Variants in TENT2 observed in about 807,000 individuals in gnomAD.
TENT2 encodes the protein terminal nucleotidyltransferase 2.
A neutral mutation model predicts 72.2 loss-of-function variants in TENT2; 44 were observed. The observed-to-expected ratio is 0.61, with a 90% CI of 0.48 to 0.78. The LOEUF (loss-of-function observed/expected upper bound fraction) is 0.78, where lower values mean the gene tolerates loss of function less well. Ranked by LOEUF, TENT2 falls within the 30% of genes least tolerant of loss-of-function variation. The pLI, the probability that TENT2 is intolerant of heterozygous loss-of-function variation, is 0.00. For synonymous variants in TENT2, 212 were observed against 192.5 expected, an observed-to-expected ratio of 1.10 and a Z score of -0.84; for missense variants, 541 against 569.6, an observed-to-expected ratio of 0.95 and a Z score of 0.51.
In TENT2 at chr5:79,687,550, T is replaced by C. The variant is rs1286885697; in HGVS notation, c.*2277T>C. 6.6e-6 allele frequency among the ~76,000 whole-genome samples: 1 copy of C among 152,220 alleles called. No homozygotes were observed. The highest frequency in any genetic ancestry group is 1.5e-5 in the Non-Finnish European group (1 of 68,026). On this transcript the variant is annotated 3_prime_UTR_variant, in exon 15 of 15. Coordinates refer to ENST00000453514, the MANE Select transcript of TENT2 (RefSeq NM_001114394.3). ...CTGATACGTAATACAATGTAAATGC[T>C]ATGTAAATAGTTGTTATACTGTATT...
In TENT2 at chr5:79,620,004, G is replaced by A; in HGVS notation, c.148G>A (p.Ala50Thr). The A allele has an allele frequency of 1.9e-6, 3 of 1,608,886 alleles. No individual in the cohort carries two copies. Among genetic ancestry groups the A allele is most frequent in the South Asian group, 1.1e-5 (1 of 90,108 alleles). The change falls in exon 3 of 15, where the codon GCT becomes ACT. Residue 50 changes from alanine to threonine, a missense_variant. By Grantham distance (58) the Ala-to-Thr change is moderately conservative. Coordinates refer to ENST00000453514, the MANE Select transcript of TENT2 (RefSeq NM_001114394.3). ...CTTTGATTTTGTTAGCTTGTCTAGA[G>A]CTGTGTCATTACAGCAGCTGACATA... ...FNFQNADLSR[A>T]VSLQQLTYGN...
intron 4 of TENT2, among the ~76,000 whole-genome samples, chr5:79,638,612 G>A (rs1782048448): frequency 6.6e-6 from 1 of 152,088 alleles, no homozygotes; most frequent in Non-Finnish European, 1.5e-5. Context: ...AGGGGGAGAA[G>A]GTATTACCTA....
rs781564324 is a variant in TENT2 at position 79,649,169 on chromosome 5, A to T, written c.1006A>T (p.Met336Leu). The T allele has an allele frequency of 3.7e-6, 6 of 1,613,080 alleles. No individual in the cohort carries two copies. The African/African-American group carries it at 6.7e-5, about 18-fold the overall frequency. The change falls in exon 10 of 15, where the codon ATG becomes TTG. Residue 336 changes from methionine (M) to leucine (L), a missense_variant. Physicochemically the swap from Met to Leu is conservative, Grantham distance 15 (BLOSUM62 2). Transcript: ENST00000453514. ...GTLSSYSLVL[M>L]VLHYLQTLPE... ...TTTAAGCAGCTATAGTCTTGTATTG[A>T]TGGTTTTGCACTATTTACAAAGTAA...
intron 4 of TENT2, among the ~76,000 whole-genome samples, chr5:79,631,250 T>C (rs1015572912): frequency 2.4e-4 from 37 of 152,186 alleles, no homozygotes; most frequent in African/African-American, 8.4e-4. Context: ...TTGGGTTCGA[T>C]TGAGAAGAAG....
At chr5:79,662,622 A>G (rs1318543164) in intron 11 of TENT2, among the ~76,000 whole-genome samples, 2 of 152,196 alleles carry the variant, frequency 1.3e-5, no homozygotes, top group Non-Finnish European at 2.9e-5. Flanking sequence ...GTCAATGAGC[A>G]GTAGTAGTAG....
chr5:79,638,441 A>G (rs1200655761), intron 4 of TENT2, among the ~76,000 whole-genome samples: 2 of 151,820 alleles, frequency 1.3e-5, no homozygotes, highest in Non-Finnish European at 2.9e-5. Flanking sequence ...TCTTCCTGGC[A>G]GTTTCTGCTG....
At position 79,615,709 on chromosome 5, in the gene TENT2, CTTTTTT is replaced by C. The variant is rs368937590; in HGVS notation, c.-38+2641_-38+2646del. The stretch of plus-strand genomic sequence containing the variant: ...TGGCAATCCAAGATTTTTCTTTTTT[CTTTTTT>C]TTTTTTGTTTTTGAGACAGGGTCTT... On this transcript the variant is annotated intron_variant, in intron 1 of 14. Coordinates refer to ENST00000453514, the MANE Select transcript of TENT2 (RefSeq NM_001114394.3). Among the ~76,000 whole-genome samples the C allele has an allele frequency of 8.7e-3, 1,258 of 145,016 alleles. 8 individuals carry two copies. The highest frequency in any genetic ancestry group is 0.012 in the Non-Finnish European group (785 of 65,482).
intron 7 of TENT2, chr5:79,644,629 C>G (rs1363317118): frequency 6.6e-6 from 1 of 152,176 alleles, no homozygotes; most frequent in Non-Finnish European, 1.5e-5. Flanking sequence ...TTGGTGTTCA[C>G]TAAGCTGATC....
intron 12 of TENT2, among the ~76,000 whole-genome samples, chr5:79,672,112 A>C (rs964545331): frequency 6.6e-6 from 1 of 151,740 alleles, no homozygotes; most frequent in Non-Finnish European, 1.5e-5. Context: ...CAAAAAAAAA[A>C]ACAAAAAACT....
chr5:79,630,812 T>C (rs1040977661), intron 4 of TENT2, among the ~76,000 whole-genome samples: 5 of 134,310 alleles, frequency 3.7e-5, no homozygotes, highest in Non-Finnish European at 7.6e-5. Context: ...CAGTAACCTA[T>C]TCAGGTTTTT....
chr5:79,618,601 T>C (rs1762328360), intron 1 of TENT2, among the ~76,000 whole-genome samples: 1 of 152,114 alleles, frequency 6.6e-6, no homozygotes, highest in African/African-American at 2.4e-5. Flanking sequence ...TGAGTTTTTT[T>C]TTTGAGTGTT....
chr5:79,670,851 G>T (rs1026166096), intron 12 of TENT2, among the ~76,000 whole-genome samples: 1 of 151,296 alleles, frequency 6.6e-6, no homozygotes, highest in Non-Finnish European at 1.5e-5. Flanking sequence ...TAGGGAATTT[G>T]TGTACATGAA....
intron 9 of TENT2, 174 bp from the exon 10 acceptor site, chr5:79,648,888 T>G (rs1484957353): frequency 2.3e-6 from 2 of 882,240 alleles, no homozygotes; most frequent in East Asian, 2.7e-5. Flanking sequence ...TAATTGATAA[T>G]TTTTAAAAGG....
At chr5:79,629,905 G>A (rs1407157454) in intron 4 of TENT2, among the ~76,000 whole-genome samples, 3 of 151,856 alleles carry the variant, frequency 2.0e-5, no homozygotes, top group Non-Finnish European at 4.4e-5. Context: ...AGGCCGAGGC[G>A]GGTGGATTAC....
At chr5:79,669,064 ATGTGTG>A in intron 12 of TENT2, 36 bp downstream of exon 12, 1 of 1,591,350 alleles carries the variant, frequency 6.3e-7, no homozygotes, top group South Asian at 1.1e-5. Flanking sequence ...GTTCACTTAT[ATGTGTG>A]TGTGTGTGTA....
chr5:79,617,255 C>A (rs1393764839), intron 1 of TENT2, among the ~76,000 whole-genome samples: 2 of 151,218 alleles, frequency 1.3e-5, no homozygotes, highest in African/African-American at 4.8e-5. Flanking sequence ...TATATAAACA[C>A]AAATGTATAA....
intron 4 of TENT2, among the ~76,000 whole-genome samples, chr5:79,635,264 C>A (rs1779143444): frequency 6.6e-6 from 1 of 152,094 alleles, no homozygotes; most frequent in Non-Finnish European, 1.5e-5. Flanking sequence ...TCTGAACTCT[C>A]AATGTTTGTT....
chr5:79,621,799 G>A (rs138713229), intron 3 of TENT2, among the ~76,000 whole-genome samples: 1 of 150,330 alleles, frequency 6.7e-6, no homozygotes, highest in East Asian at 1.9e-4. Flanking sequence ...CCATTAATTT[G>A]TAGTTAAACA....
intron 11 of TENT2, among the ~76,000 whole-genome samples, chr5:79,666,223 G>A (rs899257635): frequency 3.4e-5 from 5 of 145,226 alleles, no homozygotes; most frequent in Non-Finnish European, 7.4e-5. Flanking sequence ...TCCTGACCTC[G>A]AGGGAACCGC....
Sources: gnomAD v4.1 joint callset for allele counts (sites outside exome capture counted in the v4.1 genomes callset) on GRCh38, gnomAD v4.1.1 for gene constraint, MANE v1.5 for transcripts, NCBI Gene and HGNC (gene_info 2026-07-23, HGNC 2026-07-21) for gene names.